HIVEP3: variants seen among roughly 807,000 people sequenced by gnomAD.
The protein encoded by HIVEP3 is HIVEP zinc finger 3.
HIVEP3 carries 49 observed loss-of-function variants against 152.8 expected under a neutral mutation model. The observed-to-expected ratio is 0.32, with a 90% CI of 0.26 to 0.41. The LOEUF is 0.41. HIVEP3 is among the 10% of genes least tolerant of loss of function. The pLI is 1.00. For synonymous variants in HIVEP3, 1,269 were observed against 1,289.0 expected (o/e 0.98, Z 0.33); for missense variants, 2,790 against 3,103.3 (o/e 0.90, Z 2.40).
Position 41,930,094 on chromosome 1 carries a change from T to C in HIVEP3, n.120-11570A>G, listed in dbSNP as rs904349537. 4.5e-4 allele frequency among the ~76,000 whole-genome samples: 69 copies of C among 152,186 alleles called. 1 individual carries two copies. The highest frequency in any genetic ancestry group is 1.6e-3 in the African/African-American group (67 of 41,444). ...TTATGTTATACACGTGCAATGCAGT[T>C]AGATTCATTTGTCATATTCTGCATT... On this transcript the variant is annotated intron_variant and non_coding_transcript_variant, in intron 1 of 3. Coordinates refer to the HIVEP3 transcript ENST00000489103.
intron 1 of HIVEP3, among the ~76,000 whole-genome samples, chr1:41,835,644 T>C (rs1021440829): frequency 9.2e-5 from 14 of 152,208 alleles, no homozygotes; most frequent in African/African-American, 2.9e-4. Context: ...AAACCAATGG[T>C]GAAGTCAGAG....
chr1:41,649,256 G>A (rs1159956697), intron 2 of HIVEP3, among the ~76,000 whole-genome samples: 3 of 152,214 alleles, frequency 2.0e-5, no homozygotes, highest in Non-Finnish European at 4.4e-5. Context: ...GAATTGAAAT[G>A]AGGTAACACA....
intron 1 of HIVEP3, among the ~76,000 whole-genome samples, chr1:41,743,088 T>A (rs962412257): frequency 4.6e-5 from 7 of 151,958 alleles, no homozygotes; most frequent in African/African-American, 1.7e-4. Context: ...TAAGTGGATA[T>A]TAGGGGATGT....
chr1:42,033,291 C>G (rs1439238191), intron 1 of HIVEP3, among the ~76,000 whole-genome samples: 2 of 152,072 alleles, frequency 1.3e-5, no homozygotes, highest in African/African-American at 4.8e-5. Context: ...ACATGGTTAC[C>G]CCACCTCTAT....
intron 1 of HIVEP3, among the ~76,000 whole-genome samples, chr1:41,775,456 T>C (rs1254983574): frequency 6.6e-6 from 1 of 152,090 alleles, no homozygotes; most frequent in Non-Finnish European, 1.5e-5. Context: ...TCTAAGAGGA[T>C]GGAAGGAGTG....
intron 3 of HIVEP3, among the ~76,000 whole-genome samples, chr1:41,621,354 T>C (rs1645044588): frequency 6.6e-6 from 1 of 152,162 alleles, no homozygotes; most frequent in South Asian, 2.1e-4. Flanking sequence ...CAGGATAAAG[T>C]CTAAGCTTCC....
intron 1 of HIVEP3, among the ~76,000 whole-genome samples, chr1:42,025,721 G>A (rs1369037842): frequency 2.0e-4 from 30 of 152,170 alleles, no homozygotes. Flanking sequence ...TACCTTAAAC[G>A]AAGTTCATAG....
chr1:41,614,030 C>T (rs975432317), intron 3 of HIVEP3, among the ~76,000 whole-genome samples: 4 of 152,218 alleles, frequency 2.6e-5, no homozygotes, highest in African/African-American at 9.6e-5. Flanking sequence ...GCCACAATGC[C>T]TGTGAGATCA....
At chr1:41,879,485 A>G (rs1187115818) in intron 1 of HIVEP3, among the ~76,000 whole-genome samples, 1 of 152,240 alleles carries the variant, frequency 6.6e-6, no homozygotes, top group Non-Finnish European at 1.5e-5. Flanking sequence ...TCCTGAAAAT[A>G]TAAGTTTCCT....
At chr1:41,550,093 G>T (rs1643879166) in intron 5 of HIVEP3, among the ~76,000 whole-genome samples, 1 of 152,060 alleles carries the variant, frequency 6.6e-6, no homozygotes, top group South Asian at 2.1e-4. Flanking sequence ...TTCTACATAG[G>T]GCTAGCCAGT....
In HIVEP3 at chr1:41,583,355, G is replaced by T; in HGVS notation, c.1443C>A (p.Ile481=). ...INEAVVDTSE[I]DSVKPRRSSL... Reference sequence around the variant, plus strand: ...AGCTCCGCCTTGGCTTCACGCTGTCGATCTCGCTGGTGTCCACCACGGCCT... The same window carrying T: ...AGCTCCGCCTTGGCTTCACGCTGTCTATCTCGCTGGTGTCCACCACGGCCT... The change falls in exon 4 of 9, where the codon ATC becomes ATA. Residue 481 remains isoleucine (I), a synonymous_variant. Coordinates refer to ENST00000372583, the MANE Select transcript of HIVEP3 (RefSeq NM_024503.5). The surrounding 1 kb of genome is among the most constrained non-coding windows in gnomAD (Gnocchi z 6.9). The T allele has an allele frequency of 1.2e-6, 2 of 1,612,196 alleles. No individual in the cohort carries two copies. The highest frequency in any genetic ancestry group is 1.1e-5 in the South Asian group (1 of 90,780).
intron 1 of HIVEP3, among the ~76,000 whole-genome samples, chr1:41,939,889 CT>C (rs980740886): frequency 2.0e-4 from 31 of 151,944 alleles, no homozygotes; most frequent in African/African-American, 5.3e-4. Context: ...TCCCATTTTT[CT>C]TTTTTTCTTT....
chr1:41,779,122 G>T (rs1313395282), intron 1 of HIVEP3, among the ~76,000 whole-genome samples: 1 of 152,144 alleles, frequency 6.6e-6, no homozygotes, highest in Non-Finnish European at 1.5e-5. Flanking sequence ...ACCCAAGATG[G>T]TGCCCACCTG....
chr1:41,657,841 G>A (rs1207712938), intron 2 of HIVEP3, among the ~76,000 whole-genome samples: 1 of 152,230 alleles, frequency 6.6e-6, no homozygotes, highest in Non-Finnish European at 1.5e-5. Flanking sequence ...CCGGGACAAG[G>A]GGGTCGGAGC....
intron 1 of HIVEP3, among the ~76,000 whole-genome samples, chr1:41,863,395 C>T (rs1014418287): frequency 6.6e-6 from 1 of 152,140 alleles, no homozygotes; most frequent in African/African-American, 2.4e-5. Context: ...CCTAGACAAC[C>T]CTGACTAAAC....
chr1:41,806,710 A>C (rs1363428416), intron 1 of HIVEP3, among the ~76,000 whole-genome samples: 1 of 152,222 alleles, frequency 6.6e-6, no homozygotes, highest in Admixed American at 6.5e-5. Flanking sequence ...CCAGTGGGCA[A>C]GGAGGCCTTG....
At chr1:41,526,567 C>G (rs1424097400) in intron 5 of HIVEP3, among the ~76,000 whole-genome samples, 3 of 86,072 alleles carry the variant, frequency 3.5e-5, no homozygotes, top group South Asian at 4.9e-4. Context: ...CCTCACACAC[C>G]CTCACACATA....
At chr1:41,721,117 T>G (rs555888148) in intron 1 of HIVEP3, among the ~76,000 whole-genome samples, 2 of 152,378 alleles carry the variant, frequency 1.3e-5, no homozygotes, top group South Asian at 4.1e-4. Context: ...AGAGACCTGC[T>G]GTGCAACATT....
intron 1 of HIVEP3, among the ~76,000 whole-genome samples, chr1:41,736,433 C>T (rs539290634): frequency 1.3e-5 from 2 of 152,304 alleles, no homozygotes; most frequent in African/African-American, 4.8e-5. Flanking sequence ...ACAAGGCTTC[C>T]TGGCTTTGGG....
Sources: gnomAD v4.1 joint callset for allele counts (sites outside exome capture counted in the v4.1 genomes callset) on GRCh38, gnomAD v4.1.1 for gene constraint, Gnocchi (gnomAD v3.1) non-coding constraint, MANE v1.5 for transcripts, NCBI Gene and HGNC (gene_info 2026-07-23, HGNC 2026-07-21) for gene names.